Variants in HS2ST1 observed in about 807,000 individuals in gnomAD.
HS2ST1 encodes 2-O-sulfotransferase.
HS2ST1 carries 18 observed loss-of-function variants against 42.9 expected under a neutral mutation model. The ratio of observed to expected loss-of-function variants is 0.42; its 90% confidence interval spans 0.29 to 0.62. The LOEUF (loss-of-function observed/expected upper bound fraction) is 0.62. HS2ST1 is among the 20% of genes least tolerant of loss of function. The pLI is 0.21. For synonymous variants in HS2ST1, 146 were observed against 152.9 expected (o/e 0.95, Z 0.33); for missense variants, 334 against 433.8 (o/e 0.77, Z 2.04).
intron 1 of HS2ST1, among the ~76,000 whole-genome samples, chr1:87,069,473 AAAG>A (rs1190017462): frequency 2.0e-5 from 3 of 152,246 alleles, no homozygotes; most frequent in Non-Finnish European, 2.9e-5. Flanking sequence ...CTTAGTAAAT[AAAG>A]AAAATGACCA....
chr1:86,953,492 C>T (rs1021356483), intron 1 of HS2ST1, among the ~76,000 whole-genome samples: 6 of 152,214 alleles, frequency 3.9e-5, no homozygotes, highest in African/African-American at 1.4e-4. Flanking sequence ...AGTAATGGCT[C>T]ATGCCTGTAA....
At chr1:87,053,166 C>G (rs1650876514) in intron 1 of HS2ST1, among the ~76,000 whole-genome samples, 1 of 152,188 alleles carries the variant, frequency 6.6e-6, no homozygotes, top group African/African-American at 2.4e-5. Flanking sequence ...GGAGTTGAAT[C>G]CTAGTTACTT....
At chr1:87,018,092 A>G (rs1182024215) in intron 1 of HS2ST1, among the ~76,000 whole-genome samples, 3 of 150,154 alleles carry the variant, frequency 2.0e-5, no homozygotes, top group African/African-American at 7.4e-5. Context: ...CATCAATGTA[A>G]CTCTCACCTC....
At chr1:87,097,771 A>G in intron 4 of HS2ST1, 67 bp from the exon 5 acceptor site, 1 of 1,572,184 alleles carries the variant, frequency 6.4e-7, no homozygotes, top group South Asian at 1.1e-5. Flanking sequence ...ATAATTTACC[A>G]CATTAGATAT....
At chr1:87,079,690 T>C (rs1002599358) in intron 2 of HS2ST1, among the ~76,000 whole-genome samples, 2 of 152,132 alleles carry the variant, frequency 1.3e-5, no homozygotes, top group African/African-American at 4.8e-5. Context: ...GTCTAGCCTT[T>C]AGTATGCTTT....
intron 1 of HS2ST1, among the ~76,000 whole-genome samples, chr1:86,935,951 A>C (rs1315215904): frequency 1.3e-5 from 2 of 152,212 alleles, no homozygotes; most frequent in Non-Finnish European, 2.9e-5. Context: ...ACAATTATCA[A>C]ACACAGGAAA....
intron 1 of HS2ST1, among the ~76,000 whole-genome samples, chr1:86,919,760 C>CT (rs572618756): frequency 2.0e-5 from 3 of 151,854 alleles, no homozygotes; most frequent in Admixed American, 6.6e-5. Flanking sequence ...ATTTAGTGGA[C>CT]TTTTTTTTGT....
chr1:87,101,149 G>GTGTTTTTTTT (rs1557546421), intron 5 of HS2ST1, among the ~76,000 whole-genome samples: 3 of 59,540 alleles, frequency 5.0e-5, no homozygotes, highest in African/African-American at 6.5e-5. Context: ...GTGTGTGTGT[G>GTGTTTTTTTT]TTTTTTGTTT....
intron 1 of HS2ST1, among the ~76,000 whole-genome samples, chr1:86,972,013 A>G (rs759960034): frequency 6.6e-6 from 1 of 152,208 alleles, no homozygotes; most frequent in Non-Finnish European, 1.5e-5. Flanking sequence ...ACTGATTTAC[A>G]TAGAGAAGAT....
intron 1 of HS2ST1, chr1:87,044,917 G>C (rs1202421294): frequency 2.0e-6 from 3 of 1,519,138 alleles, no homozygotes; most frequent in Non-Finnish European, 2.7e-6. Context: ...GCTCTGTTTA[G>C]AGGCATTTCT....
At position 87,045,779 on chromosome 1, in the gene HS2ST1, A is replaced by G. The variant is rs772477294; in HGVS notation, c.125-27155A>G. On this transcript the variant is annotated intron_variant, in intron 1 of 6. Coordinates refer to ENST00000370550, the MANE Select transcript of HS2ST1 (RefSeq NM_012262.4). ...AAATATGCATCCTGAGGTTTGTAGC[A>G]GAGGTAACAAAATCCATTGCATATG... 3 of 905,668 alleles carry G rather than the reference A, an allele frequency of 3.3e-6. No homozygotes were observed. In the East Asian group the frequency reaches 7.6e-5, roughly 23 times the overall value. 56.1% of individuals were successfully genotyped at this position (905,668 alleles called of 1,614,324 possible). A position where few individuals can be genotyped will look rare whatever the true frequency, so the allele number is the denominator to read the frequency against.
chr1:86,997,605 G>T (rs1649145408), intron 1 of HS2ST1, among the ~76,000 whole-genome samples: 1 of 152,146 alleles, frequency 6.6e-6, no homozygotes, highest in South Asian at 2.1e-4. Context: ...TACAGCTTCA[G>T]GTATTTGAGA....
intron 1 of HS2ST1, among the ~76,000 whole-genome samples, chr1:87,061,910 T>C (rs1162803000): frequency 6.6e-6 from 1 of 151,950 alleles, no homozygotes; most frequent in Non-Finnish European, 1.5e-5. Context: ...TATTTTCCTA[T>C]TCTTTTCTCT....
chr1:86,931,084 A>G (rs1036807082), intron 1 of HS2ST1, among the ~76,000 whole-genome samples: 2 of 152,068 alleles, frequency 1.3e-5, no homozygotes, highest in African/African-American at 4.8e-5. Context: ...AATCTCACAA[A>G]AATGATGTTG....
chr1:87,038,479 T>C lies in HS2ST1; in HGVS notation c.125-34455T>C, dbSNP rs578005417. ...TTAAATGTCAAATGGAAATTCAAATTCAATAAAATTAAGGATTATAAAACT... is the reference window on the plus strand; with the variant it reads ...TTAAATGTCAAATGGAAATTCAAATCCAATAAAATTAAGGATTATAAAACT... On this transcript the variant is annotated intron_variant, in intron 1 of 6. Coordinates refer to ENST00000370550, the MANE Select transcript of HS2ST1 (RefSeq NM_012262.4). 2.6e-5 allele frequency among the ~76,000 whole-genome samples: 4 copies of C among 152,262 alleles called. No homozygotes were observed. The East Asian group carries it at 7.7e-4, about 29-fold the overall frequency.
chr1:87,063,406 C>T (rs766752724), intron 1 of HS2ST1, among the ~76,000 whole-genome samples: 26 of 152,016 alleles, frequency 1.7e-4, no homozygotes, highest in Non-Finnish European at 3.5e-4. Flanking sequence ...GCGTGACTTC[C>T]GCTCACCGCA....
At chr1:86,973,396 A>G (rs942684714) in intron 1 of HS2ST1, among the ~76,000 whole-genome samples, 5 of 152,118 alleles carry the variant, frequency 3.3e-5, no homozygotes, top group African/African-American at 1.2e-4. Context: ...AACAAGATGT[A>G]AATCTTGTAG....
At chr1:87,011,006 G>C (rs1649584217) in intron 1 of HS2ST1, among the ~76,000 whole-genome samples, 1 of 152,086 alleles carries the variant, frequency 6.6e-6, no homozygotes, top group African/African-American at 2.4e-5. Context: ...GGCTGGTCTT[G>C]AACTACTGGC....
At chr1:86,922,074 G>A (rs1660311135) in intron 1 of HS2ST1, among the ~76,000 whole-genome samples, 1 of 151,434 alleles carries the variant, frequency 6.6e-6, no homozygotes, top group Admixed American at 6.6e-5. Flanking sequence ...TAACTGTTCT[G>A]TGATTCCTTT....
Sources: allele counts gnomAD v4.1 joint callset (sites outside exome capture counted in the v4.1 genomes callset), GRCh38; gene constraint gnomAD v4.1.1; transcripts MANE v1.5; gene names NCBI Gene and HGNC (gene_info 2026-07-23, HGNC 2026-07-21).